FGFRL1: variants seen among roughly 807,000 people sequenced by gnomAD.
FGFRL1 encodes the protein fibroblast growth factor receptor-like 1.
FGFRL1 carries 24 observed loss-of-function variants against 36.8 expected under a neutral mutation model. That is an observed-to-expected ratio of 0.65 (90% CI 0.47 to 0.92). FGFRL1 has a LOEUF of 0.92. Ranked by LOEUF, FGFRL1 falls within the 40% of genes least tolerant of loss-of-function variation. The pLI, the probability that FGFRL1 is intolerant of heterozygous loss-of-function variation, is 0.00. For synonymous variants in FGFRL1, 422 were observed against 344.1 expected, an observed-to-expected ratio of 1.23 and a Z score of -2.50; for missense variants, 785 against 753.4, an observed-to-expected ratio of 1.04 and a Z score of -0.49.
intron 2 of FGFRL1, among the ~76,000 whole-genome samples, chr4:1,021,659 G>T (rs766297324): frequency 6.6e-6 from 1 of 152,136 alleles, no homozygotes; most frequent in Non-Finnish European, 1.5e-5. Flanking sequence ...CTGTGGGGTC[G>T]CTGGCCCATG....
At chr4:1,011,258 C>G (rs1039444019), upstream of FGFRL1, 1 of 152,302 alleles carries the variant, frequency 6.6e-6, no homozygotes, top group Non-Finnish European at 1.5e-5. Flanking sequence ...GGAGGTGTCT[C>G]GAGAGTTGAG....
At chr4:1,017,880 GC>G (rs1277871502) in intron 2 of FGFRL1, among the ~76,000 whole-genome samples, 2 of 151,890 alleles carry the variant, frequency 1.3e-5, no homozygotes, top group Non-Finnish European at 2.9e-5. Flanking sequence ...GCCCTGGCCG[GC>G]CCCCACACCC....
intron 2 of FGFRL1, among the ~76,000 whole-genome samples, chr4:1,015,474 G>A (rs2153025463): frequency 6.6e-6 from 1 of 152,326 alleles, no homozygotes; most frequent in South Asian, 2.1e-4. Context: ...CAGGGGTGAA[G>A]CAGGGGATGG....
rs1361900428 is a variant in FGFRL1, at chr4:1,023,552, C to T, written c.353-89C>T. On this transcript the variant is annotated intron_variant, in intron 3 of 6. Transcript: ENST00000510644. This position sits in a 1 kb window ranked among gnomAD's most constrained non-coding sequence, Gnocchi z 6.0. ...GTGTCCAGGGCTGTCCCGGCTGGGG[C>T]TGGGGGAGCTAGAGGCCACGGGGGA... is the stretch of plus-strand genomic sequence containing the variant. 8.1e-6 allele frequency: 10 copies of T among 1,229,314 alleles called. No individual in the cohort carries two copies. The highest frequency in any genetic ancestry group is 1.2e-5 in the Non-Finnish European group (10 of 857,368). 76.2% of individuals were successfully genotyped at this position (1,229,314 alleles called of 1,614,324 possible). A position where few individuals can be genotyped will look rare whatever the true frequency, so the allele number is the denominator to read the frequency against.
intron 2 of FGFRL1, among the ~76,000 whole-genome samples, chr4:1,019,093 C>G (rs1716042064): frequency 6.6e-6 from 1 of 152,238 alleles, no homozygotes; most frequent in Non-Finnish European, 1.5e-5. Context: ...GCCTCCCTGT[C>G]TGTGCCTGTC....
At position 1,023,673 on chromosome 4, in the gene FGFRL1, C is replaced by T. The variant is rs773895801; in HGVS notation, c.385C>T (p.Pro129Ser). ...TAGCCCAGGGAAGGAGAGCCTGGGG[C>T]CCGACAGCTCCTCTGGGGGTCAAGA... ...DISPGKESLG[P>S]DSSSGGQEDP... Residue 129 changes from proline to serine, a missense_variant, in exon 4 of 7, where the codon CCC (proline) becomes TCC (serine). Physicochemically the swap from Pro to Ser is moderately conservative, Grantham distance 74. Coordinates refer to ENST00000510644, the MANE Select transcript of FGFRL1 (RefSeq NM_001004356.3). This position sits in a 1 kb window ranked among gnomAD's most constrained non-coding sequence, Gnocchi z 6.0. The T allele has an allele frequency of 6.2e-7, 1 of 1,604,104 alleles. No homozygotes were observed. Among genetic ancestry groups the T allele is most frequent in the South Asian group, 1.1e-5 (1 of 89,454 alleles).
In FGFRL1 at chr4:1,024,315, G is replaced by A. The variant is rs116837147; in HGVS notation, c.723G>A (p.Arg241=). 1.1e-3 allele frequency: 1,685 copies of A among 1,598,174 alleles called. 16 individuals carry two copies. In the African/African-American group the frequency reaches 0.02, roughly 19 times the overall value. The change falls in exon 6 of 7, where the codon CGG becomes CGA. Residue 241 remains arginine, a synonymous_variant. Transcript: ENST00000510644. ...CCGCGTGCCACGTTCCCACAGAGCGGACCCGTTCCAAGCCCGTGCTCACAG... is the reference window on the plus strand; with the variant it reads ...CCGCGTGCCACGTTCCCACAGAGCGAACCCGTTCCAAGCCCGTGCTCACAG... ...NATYKVDVIQ[R]TRSKPVLTGT...
intron 1 of FGFRL1, 129 bp from the exon 2 acceptor site, chr4:1,012,341 C>A: frequency 9.5e-7 from 1 of 1,058,116 alleles, no homozygotes. Context: ...GCGGCTTCCT[C>A]CGCCTGGAGC....
chr4:1,016,719 C>T (rs772385447), intron 2 of FGFRL1, among the ~76,000 whole-genome samples: 6 of 152,134 alleles, frequency 3.9e-5, no homozygotes, highest in Non-Finnish European at 7.4e-5. Flanking sequence ...ACTGTGTGTG[C>T]CCTGGGTCTG....
chr4:1,025,479 G>T lies in FGFRL1; in HGVS notation c.*132G>T. 8.9e-7 allele frequency: 1 copy of T among 1,117,808 alleles called. No individual in the cohort carries two copies. The highest frequency in any genetic ancestry group is 1.3e-6 in the Non-Finnish European group (1 of 788,848). The allele number at this position is 1,117,808 out of a possible 1,614,324, so 69.2% of individuals were successfully genotyped here. A position where few individuals can be genotyped will look rare whatever the true frequency, so the allele number is the denominator to read the frequency against. On this transcript the variant is annotated 3_prime_UTR_variant, in exon 7 of 7. Transcript: ENST00000510644. ...ATGGCCAGCACCCCAGGCAGTCTGTGTGTGAGGCATAGCCCCTGGACACAC... is the reference window on the plus strand; with the variant it reads ...ATGGCCAGCACCCCAGGCAGTCTGTTTGTGAGGCATAGCCCCTGGACACAC...
Position 1,025,467 on chromosome 4 carries a change from C to A in FGFRL1, c.*120C>A. On this transcript the variant is annotated 3_prime_UTR_variant, in exon 7 of 7. Transcript: ENST00000510644. ...TGGCGAGGAGGAATGGCCAGCACCC[C>A]AGGCAGTCTGTGTGTGAGGCATAGC... The A allele has an allele frequency of 7.9e-7, 1 of 1,258,032 alleles. No individual in the cohort carries two copies. Among genetic ancestry groups the A allele is most frequent in the Non-Finnish European group, 1.1e-6 (1 of 912,708 alleles). 77.9% of individuals were successfully genotyped at this position (1,258,032 alleles called of 1,614,324 possible). A position where few individuals can be genotyped will look rare whatever the true frequency, so the allele number is the denominator to read the frequency against.
rs1406535880 is a variant in FGFRL1 at position 1,023,687 on chromosome 4, T to G, written c.399T>G (p.Ser133=). The G allele has an allele frequency of 1.3e-6, 2 of 1,554,598 alleles. No individual in the cohort carries two copies. Among genetic ancestry groups the G allele is most frequent in the East Asian group, 4.9e-5 (2 of 41,062 alleles). ...AGAGCCTGGGGCCCGACAGCTCCTC[T>G]GGGGGTCAAGAGGACCCCGCCAGCC... The part of the protein sequence containing the change: ...GKESLGPDSS[S]GGQEDPASQQ... Residue 133 remains serine (S), a synonymous_variant, in exon 4 of 7, where the codon TCT becomes TCG. Coordinates refer to ENST00000510644, the MANE Select transcript of FGFRL1 (RefSeq NM_001004356.3). The surrounding 1 kb of genome is among the most constrained non-coding windows in gnomAD (Gnocchi z 6.0).
intron 2 of FGFRL1, among the ~76,000 whole-genome samples, chr4:1,018,824 T>C (rs1716027259): frequency 6.6e-6 from 1 of 152,162 alleles, no homozygotes; most frequent in Non-Finnish European, 1.5e-5. Flanking sequence ...GGGGATGGGC[T>C]TCCTCCTGGG....
At chr4:1,013,763 T>A (rs2153025125) in intron 2 of FGFRL1, among the ~76,000 whole-genome samples, 1 of 152,400 alleles carries the variant, frequency 6.6e-6, no homozygotes. Flanking sequence ...CCATGTTTCC[T>A]GGCTGGGGCT....
chr4:1,015,706 G>A (rs978194908), intron 2 of FGFRL1, among the ~76,000 whole-genome samples: 1 of 152,250 alleles, frequency 6.6e-6, no homozygotes, highest in African/African-American at 2.4e-5. Flanking sequence ...GAAAGAGGGA[G>A]CCGGGCTGTT....
rs754631527 is a variant in FGFRL1, at chr4:1,025,089, G to T, written c.1257G>T (p.Pro419=). ...APAPPLPGHR[P]PGTARDRSGD... The stretch of plus-strand genomic sequence containing the variant: ...CCCCTCCCCTGCCTGGGCACCGCCC[G>T]CCGGGGACGGCCCGCGACCGCAGCG... The change falls in exon 7 of 7, where the codon CCG becomes CCT. Residue 419 remains proline (P), a synonymous_variant. Coordinates refer to ENST00000510644, the MANE Select transcript of FGFRL1 (RefSeq NM_001004356.3). The T allele has an allele frequency of 1.9e-6, 3 of 1,610,052 alleles. No individual in the cohort carries two copies. Among genetic ancestry groups the T allele is most frequent in the Non-Finnish European group, 2.5e-6 (3 of 1,178,630 alleles).
chr4:1,015,876 C>T (rs929387980), intron 2 of FGFRL1, among the ~76,000 whole-genome samples: 1 of 152,248 alleles, frequency 6.6e-6, no homozygotes, highest in Non-Finnish European at 1.5e-5. Context: ...CTGTAGCCTT[C>T]CTGCCCTGTT....
In FGFRL1 at chr4:1,025,250, A is replaced by G. The variant is rs755416353; in HGVS notation, c.1418A>G (p.Lys473Arg). The change falls in exon 7 of 7, where the codon AAA (lysine) becomes AGA (arginine). Residue 473 changes from lysine (K) to arginine (R), a missense_variant. Lys to Arg is a conservative substitution (Grantham distance 26). Transcript: ENST00000510644. ...GPVAGPKLYP[K>R]LYTDIHTHTH... ...GTTGCTGGCCCTAAGTTGTACCCCA[A>G]ACTCTACACAGACATCCACACACAC... 3.0e-5 allele frequency: 48 copies of G among 1,606,896 alleles called. No individual in the cohort carries two copies. Among genetic ancestry groups the G allele is most frequent in the African/African-American group, 6.7e-5 (5 of 74,756 alleles).
chr4:1,018,058 C>T (rs1303503302), intron 2 of FGFRL1, among the ~76,000 whole-genome samples: 3 of 152,126 alleles, frequency 2.0e-5, no homozygotes, highest in Non-Finnish European at 4.4e-5. Context: ...TGAGGGGTGT[C>T]GGAGAGGGCA....
Sources: gnomAD v4.1 joint callset for allele counts (sites outside exome capture counted in the v4.1 genomes callset) on GRCh38, gnomAD v4.1.1 for gene constraint, Gnocchi (gnomAD v3.1) non-coding constraint, MANE v1.5 for transcripts, NCBI Gene and HGNC (gene_info 2026-07-23, HGNC 2026-07-21) for gene names.